SACS: variants seen among roughly 807,000 people sequenced by gnomAD.
SACS encodes sacsin molecular chaperone, also known as sacsin.
Under a neutral mutation model 348.0 loss-of-function variants are expected in SACS, and 197 were observed. That is an observed-to-expected ratio of 0.57 (90% confidence interval 0.50 to 0.64). The LOEUF (loss-of-function observed/expected upper bound fraction) is 0.64, where lower values mean the gene tolerates loss of function less well. Among genes scored for constraint, SACS ranks in the 30% least tolerant of loss-of-function variants. The pLI is 0.00. For missense variants in SACS, 4,999 were observed against 5,360.8 expected, an observed-to-expected ratio of 0.93 and a Z score of 2.11; for synonymous variants, 1,985 against 1,910.6, an observed-to-expected ratio of 1.04 and a Z score of -1.02.
chr13:23,417,073 A>G (rs927124990), intron 1 of SACS, among the ~76,000 whole-genome samples: 1 of 152,236 alleles, frequency 6.6e-6, no homozygotes, highest in Non-Finnish European at 1.5e-5. Flanking sequence ...AGAGAAAAGT[A>G]TGTGTTAATG....
In SACS at chr13:23,338,300, T is replaced by C. The variant is rs779974328; in HGVS notation, c.5576A>G (p.Gln1859Arg). 7.4e-6 allele frequency: 12 copies of C among 1,614,064 alleles called. No individual in the cohort carries two copies. The East Asian group carries it at 2.7e-4, about 36-fold the overall frequency. Residue 1859 changes from glutamine to arginine, a missense_variant, in exon 10 of 10, where the codon CAG becomes CGG. Gln to Arg is a conservative substitution (Grantham distance 43). Coordinates refer to ENST00000382292, the MANE Select transcript of SACS (RefSeq NM_014363.6). ...AATGTGTGGTTTCACTGTCCACTTC[T>C]GGTCCTGGATTTCTGACAGCTGAAC... ...VGVQLSEIQD[Q>R]KWTVKPHIGE...
rs527513599 is a variant in SACS at position 23,339,597 on chromosome 13, G to T, written c.4279C>A (p.Pro1427Thr). Reference protein sequence around the residue: ...EPIILVHEDIPMKTAEWLKVP... With the variant: ...EPIILVHEDITMKTAEWLKVP... ...TTTAGCCATTCTGCAGTTTTCATGG[G>T]TATGTCCTCATGCACCAAAATGATT... The change falls in exon 10 of 10, where the codon CCC becomes ACC. Residue 1427 changes from proline to threonine, a missense_variant. Transcript: ENST00000382292. The T allele has an allele frequency of 1.4e-4, 232 of 1,612,386 alleles. 2 individuals carry two copies. In the South Asian group the frequency reaches 2.5e-3, roughly 17 times the overall value.
At chr13:23,389,247 A>C (rs916996127) in intron 2 of SACS, among the ~76,000 whole-genome samples, 1 of 152,126 alleles carries the variant, frequency 6.6e-6, no homozygotes, top group African/African-American at 2.4e-5. Flanking sequence ...AGTTACAGGA[A>C]GGCTTTAAAT....
intron 2 of SACS, among the ~76,000 whole-genome samples, chr13:23,386,261 A>G (rs184520389): frequency 1.2e-4 from 18 of 152,354 alleles, no homozygotes; most frequent in Admixed American, 1.1e-3. Context: ...ATCTACATTG[A>G]AAATCTGTTG....
rs765995038 is a variant in SACS, at chr13:23,332,955, A to G, written c.10921T>C (p.Ser3641Pro). Residue 3641 changes from serine (S) to proline (P), a missense_variant, in exon 10 of 10, where the codon TCT (serine) becomes CCT (proline). Around this residue, in one of 6 missense-constraint regions of SACS, gnomAD observed 831 missense variants for 941.8 expected, o/e 0.88. Transcript: ENST00000382292. ...GATAGTTCTTTCAGAAAATTTCCAG[A>G]TAACAAATCCATTCGTTCTTGGAAT... is the stretch of plus-strand genomic sequence containing the variant. ...HIFQERMDLL[S>P]GNFLKELSLI... 9 of 1,613,958 alleles carry G rather than the reference A, an allele frequency of 5.6e-6. No homozygotes were observed. The highest frequency in any genetic ancestry group is 5.5e-5 in the South Asian group (5 of 91,080).
chr13:23,378,068 A>T (rs1231807000), intron 2 of SACS, among the ~76,000 whole-genome samples: 2 of 152,244 alleles, frequency 1.3e-5, no homozygotes, highest in African/African-American at 4.8e-5. Flanking sequence ...TTTCTGAGTT[A>T]GCATTCCTGC....
intron 9 of SACS, among the ~76,000 whole-genome samples, chr13:23,344,498 A>G (rs1390483289): frequency 1.3e-5 from 2 of 152,240 alleles, no homozygotes; most frequent in Non-Finnish European, 2.9e-5. Flanking sequence ...AGACACCGGT[A>G]TACGTAAATT....
chr13:23,370,691 G>A (rs994597954), intron 4 of SACS, among the ~76,000 whole-genome samples: 7 of 152,130 alleles, frequency 4.6e-5, no homozygotes, highest in African/African-American at 4.8e-5. Context: ...GGCTGGGAGC[G>A]GTGGCTCACG....
At chr13:23,346,478 G>A (rs1010647577) in intron 9 of SACS, among the ~76,000 whole-genome samples, 4 of 152,004 alleles carry the variant, frequency 2.6e-5, no homozygotes, top group Admixed American at 6.6e-5. Flanking sequence ...ATTTGTGTGC[G>A]TCGTATAATA....
chr13:23,407,857 C>T (rs1483770730), intron 2 of SACS, among the ~76,000 whole-genome samples: 2 of 152,292 alleles, frequency 1.3e-5, no homozygotes, highest in South Asian at 2.1e-4. Flanking sequence ...ACCTCCACAT[C>T]CCATCGGATT....
chr13:23,433,400 A>G (rs541372758), intron 1 of SACS, among the ~76,000 whole-genome samples: 1 of 152,308 alleles, frequency 6.6e-6, no homozygotes, highest in African/African-American at 2.4e-5. Context: ...TCACAGCTGT[A>G]CAGCACGCTG....
Position 23,336,955 on chromosome 13 carries a change from T to C in SACS, c.6921A>G (p.Gly2307=), listed in dbSNP as rs200277478. 3.1e-6 allele frequency: 5 copies of C among 1,613,990 alleles called. No individual in the cohort carries two copies. The East Asian group carries it at 1.1e-4, about 36-fold the overall frequency. The change falls in exon 10 of 10, where the codon GGA becomes GGG. Residue 2307 remains glycine, a synonymous_variant. Coordinates refer to ENST00000382292, the MANE Select transcript of SACS (RefSeq NM_014363.6). ...LKEVAKSVDD[G]ITLYQENITN... ...TGATATTCTCCTGGTACAGTGTAAT[T>C]CCATCATCAACTGATTTTGCTACTT... is the stretch of plus-strand genomic sequence containing the variant.
Position 23,413,676 on chromosome 13 carries a change from C to A in SACS, c.-501-1936G>T, listed in dbSNP as rs552256365. ...AAGAGCTCCATATTCACTGTAAATG[C>A]TTTTCTGAAAACACTTTCCCAGTAA... On this transcript the variant is annotated intron_variant, in intron 1 of 9. Coordinates refer to ENST00000382292, the MANE Select transcript of SACS (RefSeq NM_014363.6). 5.9e-5 allele frequency among the ~76,000 whole-genome samples: 9 copies of A among 152,244 alleles called. 1 individual carries two copies. The South Asian group carries it at 1.9e-3, about 32-fold the overall frequency.
At chr13:23,424,306 A>G (rs1874072225) in intron 1 of SACS, among the ~76,000 whole-genome samples, 1 of 152,222 alleles carries the variant, frequency 6.6e-6, no homozygotes, top group African/African-American at 2.4e-5. Context: ...CGGGCAGATC[A>G]CCTGAGGTCG....
Position 23,354,680 on chromosome 13 carries a change from A to G in SACS, c.1932T>C (p.Ala644=), listed in dbSNP as rs1248904944. ...ATTCTAGAAGGTGAAGCTTTTCTTCAGCACAGCCCAGGTGTGCACACTTCC... is the reference window on the plus strand; with the variant it reads ...ATTCTAGAAGGTGAAGCTTTTCTTCGGCACAGCCCAGGTGTGCACACTTCC... ...VLRKCAHLGC[A]EEKLHLLEFV... is the part of the protein sequence containing the mutation. The change falls in exon 8 of 10, where the codon GCT becomes GCC. Residue 644 remains alanine, a synonymous_variant. Transcript: ENST00000382292. 6.2e-7 allele frequency: 1 copy of G among 1,614,192 alleles called. No individual in the cohort carries two copies. The highest frequency in any genetic ancestry group is 1.7e-5 in the Admixed American group (1 of 60,026).
At position 23,365,116 on chromosome 13, in the gene SACS, C is replaced by T. The variant is rs536955639; in HGVS notation, c.457+50G>A. ...ACAAAGCATTATTAATCATTAAAAA[C>T]TGCCTGTTAGTGCATACAATAAAAT... On this transcript the variant is annotated intron_variant, in intron 6 of 9. Coordinates refer to ENST00000382292, the MANE Select transcript of SACS (RefSeq NM_014363.6). The T allele has an allele frequency of 1.9e-4, 221 of 1,163,660 alleles. 5 individuals carry two copies. The South Asian group carries it at 2.8e-3, about 15-fold the overall frequency. The allele number at this position is 1,163,660 out of a possible 1,614,324, so 72.1% of individuals were successfully genotyped here.
intron 2 of SACS, among the ~76,000 whole-genome samples, chr13:23,390,880 A>C (rs1872505461): frequency 6.6e-6 from 1 of 152,140 alleles, no homozygotes; most frequent in Non-Finnish European, 1.5e-5. Flanking sequence ...AGGTGTTTAC[A>C]CTGAGCTCGC....
chr13:23,362,746 C>A (rs948426594), intron 6 of SACS, among the ~76,000 whole-genome samples: 1 of 151,696 alleles, frequency 6.6e-6, no homozygotes, highest in African/African-American at 2.4e-5. Flanking sequence ...TCACCACGCA[C>A]GGCTAATTTT....
intron 2 of SACS, among the ~76,000 whole-genome samples, chr13:23,404,186 C>T (rs752061378): frequency 3.9e-5 from 6 of 152,142 alleles, no homozygotes; most frequent in South Asian, 4.2e-4. Context: ...ATTTTAAGTG[C>T]GATGTAGTGC....
Sources: allele counts gnomAD v4.1 joint callset (sites outside exome capture counted in the v4.1 genomes callset), GRCh38; gene constraint gnomAD v4.1.1; regional missense constraint gnomAD v4.1.1; transcripts MANE v1.5; gene names NCBI Gene and HGNC (gene_info 2026-07-23, HGNC 2026-07-21).